The following DOCK7 variants were observed in gnomAD, a reference collection of about 807,000 sequenced individuals.
DOCK7 encodes the protein dedicator of cytokinesis protein 7.
A neutral mutation model predicts 271.0 loss-of-function variants in DOCK7; 138 were observed. The observed-to-expected ratio is 0.51, with a 90% CI of 0.44 to 0.59. The LOEUF (loss-of-function observed/expected upper bound fraction) is 0.59, where lower values mean the gene tolerates loss of function less well. Among genes scored for constraint, DOCK7 ranks in the 20% least tolerant of loss-of-function variants. DOCK7 has a pLI of 0.00. For missense variants in DOCK7, 2,066 were observed against 2,592.4 expected, an observed-to-expected ratio of 0.80 and a Z score of 4.41; for synonymous variants, 823 against 876.1, an observed-to-expected ratio of 0.94 and a Z score of 1.07.
At chr1:62,457,852 T>C (rs1449365204) in intron 48 of DOCK7, 147 bp from the exon 49 acceptor site, 14 of 719,412 alleles carry the variant, frequency 1.9e-5, no homozygotes, top group Non-Finnish European at 2.7e-5. Flanking sequence ...CACACACACA[T>C]ACACACAAAA....
At chr1:62,629,661 TG>T (rs1193210607) in intron 11 of DOCK7, 3 of 152,212 alleles carry the variant, frequency 2.0e-5, no homozygotes, top group Non-Finnish European at 2.9e-5. Flanking sequence ...TCTGTAGCAG[TG>T]GTTGCAGAAC....
chr1:62,652,884 C>A (rs1016883165), intron 4 of DOCK7, among the ~76,000 whole-genome samples: 3 of 152,100 alleles, frequency 2.0e-5, no homozygotes, highest in African/African-American at 7.2e-5. Flanking sequence ...TTAGGTCACA[C>A]TGAAACTAAA....
chr1:62,513,059 G>A (rs941118785), intron 33 of DOCK7, among the ~76,000 whole-genome samples: 2 of 152,000 alleles, frequency 1.3e-5, no homozygotes, highest in South Asian at 2.1e-4. Flanking sequence ...GGGAGGCTAC[G>A]CATACTAAGG....
chr1:62,539,890 T>C lies in DOCK7; in HGVS notation c.3048A>G (p.Val1016=). 1 of 1,578,948 alleles carries C rather than the reference T, an allele frequency of 6.3e-7. No individual in the cohort carries two copies. The highest frequency in any genetic ancestry group is 8.6e-7 in the Non-Finnish European group (1 of 1,165,646). Residue 1016 remains valine (V), a splice_region_variant and synonymous_variant, in exon 26 of 50, where the codon GTA becomes GTG. Coordinates refer to ENST00000635253, the MANE Select transcript of DOCK7 (RefSeq NM_001367561.1). The part of the protein sequence containing the change: ...QQAWFFFELM[V]KSMVHHLYFN... ...AGTATAAATGGTGCACCATGCTCTT[T>C]ACCTGAAAAAAAGATATAAATTATT...
intron 27 of DOCK7, 35 bp downstream of exon 27, chr1:62,539,510 T>TACTA: frequency 6.6e-7 from 1 of 1,506,000 alleles, no homozygotes; most frequent in Non-Finnish European, 9.1e-7. Flanking sequence ...GTATTTAAAT[T>TACTA]ATTTGATTAC....
intron 18 of DOCK7, among the ~76,000 whole-genome samples, chr1:62,576,514 T>C (rs1245484791): frequency 6.6e-6 from 1 of 152,224 alleles, no homozygotes; most frequent in Non-Finnish European, 1.5e-5. Context: ...CCTTGAATTG[T>C]TTTTTAAAAA....
At position 62,640,979 on chromosome 1, in the gene DOCK7, T is replaced by C. The variant is rs891523448; in HGVS notation, c.819-4376A>G. 6.8e-5 allele frequency: 11 copies of C among 162,250 alleles called. No homozygotes were observed. The South Asian group carries it at 6.9e-4, about 10-fold the overall frequency. The allele number at this position is 162,250 out of a possible 1,614,324, so 10.1% of individuals were successfully genotyped here. ...ATAGAAAGGCAGTGACTAAGGTCTGTTCCTTGCCCCCAGCTTCCTACATCC... is the reference window on the plus strand; with the variant it reads ...ATAGAAAGGCAGTGACTAAGGTCTGCTCCTTGCCCCCAGCTTCCTACATCC... On this transcript the variant is annotated intron_variant, in intron 7 of 49. Transcript: ENST00000635253.
rs542945338 is a variant in DOCK7 at position 62,618,406 on chromosome 1, A to G, written c.1682+300T>C. Reference sequence around the variant, plus strand: ...ACCATCACACTAAGGTGTGATGCTCAGCAAAATGTTTAACCTCTCTAACCC... The same window carrying G: ...ACCATCACACTAAGGTGTGATGCTCGGCAAAATGTTTAACCTCTCTAACCC... On this transcript the variant is annotated intron_variant, in intron 14 of 49. Transcript: ENST00000635253. 2.6e-5 allele frequency among the ~76,000 whole-genome samples: 4 copies of G among 152,288 alleles called. 1 individual carries two copies. The highest frequency in any genetic ancestry group is 2.6e-4 in the Admixed American group (4 of 15,296).
At chr1:62,498,153 G>GGATC (rs1646676941) in intron 37 of DOCK7, among the ~76,000 whole-genome samples, 1 of 151,862 alleles carries the variant, frequency 6.6e-6, no homozygotes, top group Non-Finnish European at 1.5e-5. Flanking sequence ...CTGAGTGGAA[G>GGATC]GATCCCTTGA....
At chr1:62,528,416 T>C (rs1300922120) in intron 30 of DOCK7, 111 bp from the exon 31 acceptor site, 5 of 958,962 alleles carry the variant, frequency 5.2e-6, no homozygotes, top group Non-Finnish European at 7.3e-6. Flanking sequence ...TTATAGTTAT[T>C]AGATTTACTT....
Position 62,561,679 on chromosome 1 carries a change from C to A in DOCK7, c.2137G>T (p.Val713Leu). Residue 713 changes from valine to leucine, a missense_variant, in exon 19 of 50, where the codon GTA (valine) becomes TTA (leucine). By Grantham distance (32) the Val-to-Leu change is conservative (BLOSUM62 1). Transcript: ENST00000635253. ...TTAAAAACACCTTTGTGATTATCTA[C>A]CCATTTCATGCCAGGTAGAGGAACC... is the stretch of plus-strand genomic sequence containing the variant. ...PEVPLPGMKW[V>L]DNHKGVFNVE... is the part of the protein sequence containing the mutation. The A allele has an allele frequency of 1.3e-6, 2 of 1,578,676 alleles. No individual in the cohort carries two copies. Among genetic ancestry groups the A allele is most frequent in the South Asian group, 1.2e-5 (1 of 82,990 alleles).
chr1:62,638,702 G>A (rs980233666), intron 7 of DOCK7, among the ~76,000 whole-genome samples: 1 of 143,176 alleles, frequency 7.0e-6, no homozygotes, highest in African/African-American at 2.5e-5. Context: ...TAGGAAACTT[G>A]ACCACTGCCT....
At chr1:62,556,560 G>GTT (rs770779989) in intron 20 of DOCK7, among the ~76,000 whole-genome samples, 1 of 151,190 alleles carries the variant, frequency 6.6e-6, no homozygotes, top group Non-Finnish European at 1.5e-5. Flanking sequence ...ACAGGTTGAG[G>GTT]TAAGACTACA....
intron 12 of DOCK7, among the ~76,000 whole-genome samples, chr1:62,621,273 A>G (rs1571802341): frequency 1.3e-5 from 2 of 152,212 alleles, no homozygotes; most frequent in Admixed American, 1.3e-4. Flanking sequence ...AAGGACTTCA[A>G]CCAATATGAA....
chr1:62,682,602 T>G (rs1661297455), intron 1 of DOCK7, among the ~76,000 whole-genome samples: 1 of 152,142 alleles, frequency 6.6e-6, no homozygotes, highest in Admixed American at 6.6e-5. Context: ...AGTCAAAGTT[T>G]CCTAGCCCTC....
chr1:62,655,244 C>T (rs912775533), intron 2 of DOCK7, among the ~76,000 whole-genome samples: 1 of 151,994 alleles, frequency 6.6e-6, no homozygotes, highest in Non-Finnish European at 1.5e-5. Context: ...AATATTCAGA[C>T]AAACCTATAA....
chr1:62,636,421 C>G lies in DOCK7; in HGVS notation c.885+116G>C, dbSNP rs1363470158. The G allele has an allele frequency of 6.6e-6, 5 of 752,892 alleles. No individual in the cohort carries two copies. In the Admixed American group the frequency reaches 1.8e-4, roughly 26 times the overall value. 46.6% of individuals were successfully genotyped at this position (752,892 alleles called of 1,614,324 possible). On this transcript the variant is annotated intron_variant, in intron 8 of 49. Coordinates refer to ENST00000635253, the MANE Select transcript of DOCK7 (RefSeq NM_001367561.1). Reference sequence around the variant, plus strand: ...TCCTAATAAGTTAAATTTCTATTTCCTTTTTAAAAAGATCTATGTTTAACA... The same window carrying G: ...TCCTAATAAGTTAAATTTCTATTTCGTTTTTAAAAAGATCTATGTTTAACA...
At chr1:62,645,292 TAATA>T (rs1557851638) in intron 7 of DOCK7, among the ~76,000 whole-genome samples, 1 of 152,004 alleles carries the variant, frequency 6.6e-6, no homozygotes, top group East Asian at 1.9e-4. Flanking sequence ...CATTACTGAT[TAATA>T]GATAAATAGA....
At chr1:62,493,215 TCTTGA>T (rs1336342757) in intron 40 of DOCK7, among the ~76,000 whole-genome samples, 1 of 152,304 alleles carries the variant, frequency 6.6e-6, no homozygotes, top group Non-Finnish European at 1.5e-5. Context: ...AAAAATGGTC[TCTTGA>T]CTTATCTAAT....
Sources: gnomAD v4.1 joint callset for allele counts (sites outside exome capture counted in the v4.1 genomes callset) on GRCh38, gnomAD v4.1.1 for gene constraint, MANE v1.5 for transcripts, NCBI Gene and HGNC (gene_info 2026-07-23, HGNC 2026-07-21) for gene names.